Variants in PPP2R2B observed in about 807,000 individuals in gnomAD.
PPP2R2B encodes the protein protein phosphatase 2 regulatory subunit Bbeta.
A neutral mutation model predicts 46.0 loss-of-function variants in PPP2R2B; 5 were observed. That is an observed-to-expected ratio of 0.11 (90% CI 0.06 to 0.23). The LOEUF (loss-of-function observed/expected upper bound fraction) is 0.23, where lower values mean the gene tolerates loss of function less well. Ranked by LOEUF, PPP2R2B falls within the 10% of genes least tolerant of loss-of-function variation. The pLI is 1.00. For synonymous variants in PPP2R2B, 215 were observed against 206.7 expected (o/e 1.04, Z -0.34); for missense variants, 367 against 575.0 (o/e 0.64, Z 3.70).
At chr5:146,841,002 A>G (rs554921327) in intron 2 of PPP2R2B, among the ~76,000 whole-genome samples, 1 of 152,338 alleles carries the variant, frequency 6.6e-6, no homozygotes, top group East Asian at 1.9e-4. Flanking sequence ...CTGTATTACA[A>G]GCATTAAATT....
At chr5:146,920,418 G>T (rs1410390691) in intron 1 of PPP2R2B, among the ~76,000 whole-genome samples, 1 of 152,174 alleles carries the variant, frequency 6.6e-6, no homozygotes, top group South Asian at 2.1e-4. Context: ...GGGCCGTGCA[G>T]GCAGTTTAAA....
At chr5:146,993,092 A>T (rs1455309376) in intron 1 of PPP2R2B, among the ~76,000 whole-genome samples, 2 of 151,248 alleles carry the variant, frequency 1.3e-5, no homozygotes, top group African/African-American at 4.9e-5. Flanking sequence ...ACATGTGTGC[A>T]CCACCATGCC....
intron 1 of PPP2R2B, among the ~76,000 whole-genome samples, chr5:146,958,920 T>C (rs1442622880): frequency 2.0e-5 from 3 of 152,320 alleles, no homozygotes. Context: ...CACAGAGAAA[T>C]TAAATTACAT....
rs1035457839 is a variant in PPP2R2B, at chr5:146,584,622, A to G, written c.*5325T>C. 1.3e-5 allele frequency: 2 copies of G among 152,204 alleles called. No individual in the cohort carries two copies. Among genetic ancestry groups the G allele is most frequent in the Non-Finnish European group, 2.9e-5 (2 of 68,034 alleles). The allele number at this position is 152,204 out of a possible 1,614,324, so 9.4% of individuals were successfully genotyped here. Reference sequence around the variant, plus strand: ...ACATCTACCTATCAGGTGATTAACAATGATTTAAAACAGTGCCTCTCCCAA... The same window carrying G: ...ACATCTACCTATCAGGTGATTAACAGTGATTTAAAACAGTGCCTCTCCCAA... On this transcript the variant is annotated 3_prime_UTR_variant, in exon 10 of 10. Transcript: ENST00000394411.
chr5:146,726,189 A>G (rs966448327), intron 2 of PPP2R2B, among the ~76,000 whole-genome samples: 1 of 152,090 alleles, frequency 6.6e-6, no homozygotes, highest in Non-Finnish European at 1.5e-5. Context: ...CTTCTCCACC[A>G]CTGCATCCCC....
At chr5:146,974,754 A>G (rs1752821450) in intron 1 of PPP2R2B, among the ~76,000 whole-genome samples, 1 of 150,998 alleles carries the variant, frequency 6.6e-6, no homozygotes, top group Non-Finnish European at 1.5e-5. Context: ...CAGTGTAGCA[A>G]TCTCAGCTCA....
chr5:146,750,981 A>G (rs1175547868), intron 2 of PPP2R2B, among the ~76,000 whole-genome samples: 2 of 152,192 alleles, frequency 1.3e-5, no homozygotes, highest in Admixed American at 6.5e-5. Context: ...TCTGCTCTCA[A>G]CAGTAGGAGC....
At chr5:146,957,577 C>T (rs1364030635) in intron 1 of PPP2R2B, among the ~76,000 whole-genome samples, 1 of 152,124 alleles carries the variant, frequency 6.6e-6, no homozygotes, top group East Asian at 1.9e-4. Context: ...ATAAATACAT[C>T]TTTATTTGCA....
chr5:146,595,201 G>T (rs1771054124), intron 8 of PPP2R2B, among the ~76,000 whole-genome samples: 1 of 152,204 alleles, frequency 6.6e-6, no homozygotes, highest in African/African-American at 2.4e-5. Flanking sequence ...TCTTGGCATT[G>T]TTAGGTGCAT....
At chr5:146,656,880 G>C (rs1417384009) in intron 5 of PPP2R2B, among the ~76,000 whole-genome samples, 1 of 152,098 alleles carries the variant, frequency 6.6e-6, no homozygotes, top group Admixed American at 6.5e-5. Context: ...CATTCCTTCT[G>C]TCTCTGCTCA....
intron 2 of PPP2R2B, among the ~76,000 whole-genome samples, chr5:146,848,906 G>A (rs1760172296): frequency 6.6e-6 from 1 of 152,108 alleles, no homozygotes; most frequent in Non-Finnish European, 1.5e-5. Flanking sequence ...TATGCATATT[G>A]ATTTTATACT....
intron 7 of PPP2R2B, among the ~76,000 whole-genome samples, chr5:146,618,699 G>C (rs536372232): frequency 6.6e-6 from 1 of 152,244 alleles, no homozygotes; most frequent in South Asian, 2.1e-4. Context: ...GAGGCCATGA[G>C]AGGCTCACTG....
intron 1 of PPP2R2B, among the ~76,000 whole-genome samples, chr5:146,978,931 T>G (rs940527353): frequency 1.3e-5 from 2 of 152,190 alleles, no homozygotes; most frequent in African/African-American, 4.8e-5. Flanking sequence ...TCTATTTTCA[T>G]TACAGCAGAC....
chr5:146,675,467 A>G (rs969578280), intron 5 of PPP2R2B, among the ~76,000 whole-genome samples: 5 of 152,068 alleles, frequency 3.3e-5, no homozygotes, highest in African/African-American at 1.2e-4. Context: ...TGTCTCAGAG[A>G]TTTTTGCCCA....
chr5:147,001,365 G>T (rs1308961395), intron 1 of PPP2R2B, among the ~76,000 whole-genome samples: 1 of 152,106 alleles, frequency 6.6e-6, no homozygotes, highest in Admixed American at 6.6e-5. Context: ...AAGTCAGCGA[G>T]ATGATGAACC....
intron 1 of PPP2R2B, among the ~76,000 whole-genome samples, chr5:147,033,336 T>G (rs932750628): frequency 9.9e-5 from 15 of 152,154 alleles, no homozygotes; most frequent in African/African-American, 3.6e-4. Context: ...TTGATGTCAC[T>G]CCATGGAGGG....
chr5:147,043,700 A>G (rs1369604009), intron 1 of PPP2R2B, among the ~76,000 whole-genome samples: 1 of 152,094 alleles, frequency 6.6e-6, no homozygotes, highest in Non-Finnish European at 1.5e-5. Context: ...GCTTCTTTGC[A>G]TGCATTATTT....
intron 5 of PPP2R2B, among the ~76,000 whole-genome samples, chr5:146,658,620 C>T (rs1317975327): frequency 1.3e-5 from 2 of 152,148 alleles, no homozygotes; most frequent in East Asian, 1.9e-4. Context: ...TTCTTCGTTC[C>T]TAACTTCCAT....
intron 2 of PPP2R2B, among the ~76,000 whole-genome samples, chr5:146,834,011 T>C (rs1259670726): frequency 3.3e-5 from 5 of 152,148 alleles, no homozygotes; most frequent in African/African-American, 9.7e-5. Flanking sequence ...AAAATGTCCT[T>C]GGCAAATGTT....
Sources: allele counts gnomAD v4.1 joint callset (sites outside exome capture counted in the v4.1 genomes callset), GRCh38; gene constraint gnomAD v4.1.1; transcripts MANE v1.5; gene names NCBI Gene and HGNC (gene_info 2026-07-23, HGNC 2026-07-21).